SCN7A: variants seen among roughly 807,000 people sequenced by gnomAD.
SCN7A encodes sodium voltage-gated channel alpha subunit 7.
A neutral mutation model predicts 155.2 loss-of-function variants in SCN7A; 138 were observed. That is an observed-to-expected ratio of 0.89 (90% CI 0.77 to 1.02). The LOEUF (loss-of-function observed/expected upper bound fraction) is 1.02, where lower values mean the gene tolerates loss of function less well. SCN7A is among the 50% of genes least tolerant of loss of function. The pLI, the probability that SCN7A is intolerant of heterozygous loss-of-function variation, is 0.00. For synonymous variants in SCN7A, 693 were observed against 649.0 expected, an observed-to-expected ratio of 1.07 and a Z score of -1.03; for missense variants, 2,058 against 1,986.6, an observed-to-expected ratio of 1.04 and a Z score of -0.68.
intron 11 of SCN7A, among the ~76,000 whole-genome samples, chr2:166,450,539 C>A (rs1313978967): frequency 6.6e-6 from 1 of 152,090 alleles, no homozygotes; most frequent in South Asian, 2.1e-4. Flanking sequence ...TGGTGGCTCA[C>A]GCCTGTAATC....
At chr2:166,477,737 G>A in intron 2 of SCN7A, 27 bp from the exon 3 acceptor site, 51 of 1,376,636 alleles carry the variant, frequency 3.7e-5, no homozygotes, top group Middle Eastern at 1.9e-4. Context: ...ATTAAAGTTG[G>A]GTATACTAAT....
At position 166,404,824 on chromosome 2, in the gene SCN7A, G is replaced by GAAAAA. The variant is rs35675449; in HGVS notation, c.*751_*755dup. 1.6e-4 allele frequency: 10 copies of GAAAAA among 62,748 alleles called. No homozygotes were observed. The highest frequency in any genetic ancestry group is 2.6e-4 in the Non-Finnish European group (8 of 30,260). The allele number at this position is 62,748 out of a possible 1,614,324, so 3.9% of individuals were successfully genotyped here. ...AAATAGGTGTAAATGAGAAGAAAAT[G>GAAAAA]AAAAAAAAAAAAAAAAAAAAGGCTA... On this transcript the variant is annotated 3_prime_UTR_variant, in exon 26 of 26. Transcript: ENST00000643258.
At chr2:166,488,659 A>G (rs1703107013) in intron 1 of SCN7A, among the ~76,000 whole-genome samples, 1 of 148,742 alleles carries the variant, frequency 6.7e-6, no homozygotes, top group Non-Finnish European at 1.5e-5. Flanking sequence ...TTTTTTTGAG[A>G]CGGAGTCTCA....
intron 1 of SCN7A, among the ~76,000 whole-genome samples, chr2:166,489,019 T>A (rs1285800817): frequency 6.6e-6 from 1 of 152,192 alleles, no homozygotes; most frequent in Non-Finnish European, 1.5e-5. Flanking sequence ...GTTTGAGAAG[T>A]CATATTTGCA....
chr2:166,476,619 C>A (rs1208412501), intron 3 of SCN7A, among the ~76,000 whole-genome samples: 1 of 152,006 alleles, frequency 6.6e-6, no homozygotes, highest in Non-Finnish European at 1.5e-5. Context: ...ATTTAGAAAT[C>A]TGCTGGGTTA....
chr2:166,422,202 A>C (rs1042917505), intron 19 of SCN7A, among the ~76,000 whole-genome samples: 2 of 152,118 alleles, frequency 1.3e-5, no homozygotes, highest in African/African-American at 4.8e-5. Context: ...TGTTTATAGA[A>C]TAGAGAGCCA....
intron 21 of SCN7A, among the ~76,000 whole-genome samples, chr2:166,416,006 A>T (rs1701367396): frequency 6.6e-6 from 1 of 151,962 alleles, no homozygotes; most frequent in African/African-American, 2.4e-5. Context: ...TGATATTAAT[A>T]CTCTGGGAAA....
chr2:166,479,988 A>G (rs1334194543), intron 2 of SCN7A, among the ~76,000 whole-genome samples: 1 of 152,212 alleles, frequency 6.6e-6, no homozygotes, highest in African/African-American at 2.4e-5. Context: ...AGACATTACA[A>G]ATTTGCTAAG....
At chr2:166,428,884 T>G (rs1701675939) in intron 17 of SCN7A, among the ~76,000 whole-genome samples, 2 of 152,142 alleles carry the variant, frequency 1.3e-5, no homozygotes, top group South Asian at 4.1e-4. Context: ...GAGATGTTTG[T>G]GTATACACAT....
At chr2:166,470,237 G>A (rs59378246) in intron 7 of SCN7A, among the ~76,000 whole-genome samples, 2,446 of 151,886 alleles carry the variant, frequency 0.016, 79 homozygotes, top group East Asian at 0.12. Flanking sequence ...CTTTGTTCAT[G>A]TCAACTGGTT....
intron 2 of SCN7A, among the ~76,000 whole-genome samples, chr2:166,486,539 G>T (rs535948178): frequency 6.6e-6 from 1 of 152,166 alleles, no homozygotes; most frequent in Non-Finnish European, 1.5e-5. Flanking sequence ...TATAGATAAA[G>T]AAAATCTTGG....
intron 15 of SCN7A, among the ~76,000 whole-genome samples, chr2:166,438,000 T>C (rs1462824969): frequency 6.6e-6 from 1 of 152,118 alleles, no homozygotes; most frequent in African/African-American, 2.4e-5. Flanking sequence ...TTTGGGGGAC[T>C]TTTGGAAAGG....
At position 166,494,074 on chromosome 2, in the gene SCN7A, CG is replaced by C. The variant is rs1210931196; in HGVS notation, c.-235del. 6.6e-6 allele frequency: 1 copy of C among 152,474 alleles called. No individual in the cohort carries two copies. The highest frequency in any genetic ancestry group is 1.5e-5 in the Non-Finnish European group (1 of 68,326). The allele number at this position is 152,474 out of a possible 1,614,324, so 9.4% of individuals were successfully genotyped here. ...GGCTTCTCTTTCTCCACGGATCTCT[CG>C]GGTTTTCTGAGCTCTAGTTGTACAG... On this transcript the variant is annotated 5_prime_UTR_variant, in exon 1 of 26. Transcript: ENST00000643258.
chr2:166,415,212 A>G (rs1363542840), intron 21 of SCN7A, among the ~76,000 whole-genome samples: 1 of 147,000 alleles, frequency 6.8e-6, no homozygotes, highest in East Asian at 2.0e-4. Flanking sequence ...GACAGTATTT[A>G]ACTTTTGTCT....
In SCN7A at chr2:166,413,087, G is replaced by T; in HGVS notation, c.3449C>A (p.Ser1150Ter). 6.5e-7 allele frequency: 1 copy of T among 1,540,228 alleles called. No individual in the cohort carries two copies. The highest frequency in any genetic ancestry group is 8.8e-7 in the Non-Finnish European group (1 of 1,140,406). ...ACTTACAGCAACAGAATCAATTGCTGAATTCATAATAGTGATCCATCCATT... is the reference window on the plus strand; with the variant it reads ...ACTTACAGCAACAGAATCAATTGCTTAATTCATAATAGTGATCCATCCATT... ...TFNGWITIMNSAIDSVAVNIQ... is the reference protein window; with the variant it reads ...TFNGWITIMN Residue 1150 changes from serine to a stop codon, truncating the protein, a stop_gained, in exon 22 of 26, where the codon TCA becomes TAA. Transcript: ENST00000643258. LOFTEE classifies it high-confidence loss of function.
intron 11 of SCN7A, among the ~76,000 whole-genome samples, chr2:166,453,363 C>A (rs1271451348): frequency 6.6e-6 from 1 of 152,106 alleles, no homozygotes; most frequent in East Asian, 1.9e-4. Flanking sequence ...TTCAATCTGA[C>A]TTTTTCCATA....
chr2:166,457,119 T>C (rs2105466483), intron 10 of SCN7A, 43 bp from the exon 11 acceptor site: 1 of 1,381,948 alleles, frequency 7.2e-7, no homozygotes, highest in East Asian at 2.3e-5. Context: ...AAAATGTTAT[T>C]TATCTTCCAG....
intron 16 of SCN7A, among the ~76,000 whole-genome samples, chr2:166,430,105 C>T (rs902839263): frequency 2.6e-5 from 4 of 151,662 alleles, no homozygotes; most frequent in East Asian, 1.9e-4. Flanking sequence ...TTAAGGCAAG[C>T]GCATTTTAAC....
intron 2 of SCN7A, among the ~76,000 whole-genome samples, chr2:166,482,763 C>CAAAA (rs34623846): frequency 7.0e-6 from 1 of 142,530 alleles, no homozygotes. Context: ...TGCGATACTG[C>CAAAA]AAAAAAAAAA....
Sources: gnomAD v4.1 joint callset for allele counts (sites outside exome capture counted in the v4.1 genomes callset) on GRCh38, gnomAD v4.1.1 for gene constraint, MANE v1.5 for transcripts, NCBI Gene and HGNC (gene_info 2026-07-23, HGNC 2026-07-21) for gene names.